SAE1: variants seen among roughly 807,000 people sequenced by gnomAD.
SAE1 encodes the protein SUMO-activating enzyme subunit 1.
A neutral mutation model predicts 40.6 loss-of-function variants in SAE1; 11 were observed. That is an observed-to-expected ratio of 0.27 (90% CI 0.17 to 0.45). The LOEUF (loss-of-function observed/expected upper bound fraction) is 0.45. Ranked by LOEUF, SAE1 falls within the 20% of genes least tolerant of loss-of-function variation. SAE1 has a pLI of 1.00. For missense variants in SAE1, 373 were observed against 427.3 expected (o/e 0.87, Z 1.12); for synonymous variants, 155 against 154.3 (o/e 1.00, Z -0.03).
chr19:47,154,935 C>T (rs2058311717), intron 4 of SAE1, among the ~76,000 whole-genome samples, 179 bp from the exon 5 acceptor site: 1 of 152,114 alleles, frequency 6.6e-6, no homozygotes, highest in Non-Finnish European at 1.5e-5. Flanking sequence ...TCCTGAGTGC[C>T]CAACAGTGTA....
At chr19:47,164,639 C>CTTTTTTTTTTTTTTTTT (rs1166301382) in intron 5 of SAE1, among the ~76,000 whole-genome samples, 3 of 78,388 alleles carry the variant, frequency 3.8e-5, no homozygotes, top group African/African-American at 1.6e-4. Context: ...GAGAATTCAC[C>CTTTTTTTTTTTTTTTTT]TTTTTTTTTT....
At chr19:47,191,679 T>A (rs189004138) in intron 6 of SAE1, among the ~76,000 whole-genome samples, 1 of 152,252 alleles carries the variant, frequency 6.6e-6, no homozygotes, top group Admixed American at 6.5e-5. Flanking sequence ...AAGCACCAAC[T>A]GTCACAAGGG....
At chr19:47,133,853 G>GTTTT in intron 1 of SAE1, among the ~76,000 whole-genome samples, 1 of 148,938 alleles carries the variant, frequency 6.7e-6, no homozygotes, top group African/African-American at 2.5e-5. Flanking sequence ...TTTCAGATTT[G>GTTTT]TTTTTTTTGT....
chr19:47,169,811 TC>T lies in SAE1; in HGVS notation c.628-5del. 1.2e-6 allele frequency: 2 copies of T among 1,605,378 alleles called. No individual in the cohort carries two copies. Among genetic ancestry groups the T allele is most frequent in the Non-Finnish European group, 1.7e-6 (2 of 1,172,212 alleles). The stretch of plus-strand genomic sequence containing the variant: ...TATTCCTAAGCAGTTCTGCCTTTTT[TC>T]CACAGAAGGTGGTCTTCTGCCCTGT... On this transcript the variant is annotated splice_region_variant and splice_polypyrimidine_tract_variant and intron_variant, in intron 5 of 8. Transcript: ENST00000270225.
intron 2 of SAE1, among the ~76,000 whole-genome samples, chr19:47,149,460 C>T (rs893485620): frequency 3.3e-5 from 5 of 152,104 alleles, no homozygotes; most frequent in African/African-American, 9.6e-5. Flanking sequence ...TGTGAGCCAC[C>T]GTGCCCTGCC....
chr19:47,134,927 A>G (rs1167691264), intron 1 of SAE1, among the ~76,000 whole-genome samples: 1 of 152,140 alleles, frequency 6.6e-6, no homozygotes, highest in African/African-American at 2.4e-5. Context: ...GGGTTGCAGG[A>G]GGGAGGGAAG....
chr19:47,179,880 TA>T (rs1295102972), intron 6 of SAE1, among the ~76,000 whole-genome samples: 1 of 152,122 alleles, frequency 6.6e-6, no homozygotes, highest in Non-Finnish European at 1.5e-5. Flanking sequence ...TTCACAGTGA[TA>T]GGGGTTAGCA....
At chr19:47,140,769 T>G (rs1432784378) in intron 1 of SAE1, among the ~76,000 whole-genome samples, 1 of 152,150 alleles carries the variant, frequency 6.6e-6, no homozygotes, top group African/African-American at 2.4e-5. Flanking sequence ...CCCTTCAATC[T>G]GGGTTCACAG....
At chr19:47,205,813 G>A (rs566035792) in intron 8 of SAE1, among the ~76,000 whole-genome samples, 1 of 152,314 alleles carries the variant, frequency 6.6e-6, no homozygotes, top group Admixed American at 6.5e-5. Context: ...ATAAAAGAGA[G>A]ACTAAGGTGC....
At chr19:47,163,905 G>A (rs2058373794) in intron 5 of SAE1, among the ~76,000 whole-genome samples, 1 of 151,686 alleles carries the variant, frequency 6.6e-6, no homozygotes, top group Non-Finnish European at 1.5e-5. Flanking sequence ...GAGTAGCTGG[G>A]ATTACAGGCT....
intron 6 of SAE1, among the ~76,000 whole-genome samples, chr19:47,170,429 C>T (rs2058423527): frequency 6.7e-6 from 1 of 149,938 alleles, no homozygotes. Context: ...TGCCCAGGCC[C>T]TGAAGTTCTG....
intron 7 of SAE1, among the ~76,000 whole-genome samples, chr19:47,200,668 T>C (rs1600216674): frequency 6.6e-6 from 1 of 152,130 alleles, no homozygotes; most frequent in African/African-American, 2.4e-5. Flanking sequence ...CAGCCACTTG[T>C]ATCTCTTTTA....
At chr19:47,147,962 G>A (rs1172416602) in intron 2 of SAE1, among the ~76,000 whole-genome samples, 4 of 151,732 alleles carry the variant, frequency 2.6e-5, no homozygotes, top group African/African-American at 4.8e-5. Flanking sequence ...GGGTTTCACC[G>A]TATTAGCCAG....
chr19:47,200,213 G>A (rs917933526), intron 7 of SAE1, among the ~76,000 whole-genome samples: 5 of 150,438 alleles, frequency 3.3e-5, no homozygotes, highest in Non-Finnish European at 7.4e-5. Flanking sequence ...GATTACAAGT[G>A]TGAGCCACCA....
At position 47,203,704 on chromosome 19, in the gene SAE1, G is replaced by C; in HGVS notation, c.912G>C (p.Ala304=). ...TCTCCGAGATGGCCCCAGTGTGTGCGGTGGTTGGAGGGATTTTGGCACAGG... is the reference window on the plus strand; with the variant it reads ...TCTCCGAGATGGCCCCAGTGTGTGCCGTGGTTGGAGGGATTTTGGCACAGG... The part of the protein sequence containing the change: ...YCFSEMAPVC[A]VVGGILAQEI... Residue 304 remains alanine, a synonymous_variant, in exon 8 of 9, where the codon GCG becomes GCC. Coordinates refer to ENST00000270225, the MANE Select transcript of SAE1 (RefSeq NM_005500.3). 2 of 1,614,044 alleles carry C rather than the reference G, an allele frequency of 1.2e-6. No individual in the cohort carries two copies. The highest frequency in any genetic ancestry group is 2.2e-5 in the South Asian group (2 of 91,062).
At chr19:47,197,696 G>C (rs188915591) in intron 7 of SAE1, among the ~76,000 whole-genome samples, 9 of 152,282 alleles carry the variant, frequency 5.9e-5, no homozygotes, top group Non-Finnish European at 5.9e-5. Flanking sequence ...CTCCAGATCA[G>C]TACATAGTTT....
chr19:47,171,294 A>G (rs12975381), intron 6 of SAE1, among the ~76,000 whole-genome samples: 5 of 148,536 alleles, frequency 3.4e-5, no homozygotes, highest in African/African-American at 5.0e-5. Flanking sequence ...TTTAATTTTT[A>G]TTTTAATTTT....
chr19:47,198,355 G>A (rs1403274791), intron 7 of SAE1, among the ~76,000 whole-genome samples: 2 of 152,064 alleles, frequency 1.3e-5, no homozygotes, highest in Admixed American at 1.3e-4. Flanking sequence ...CAGGTGATCC[G>A]CCTACCTTGG....
At chr19:47,203,278 A>G (rs2058665543) in intron 7 of SAE1, among the ~76,000 whole-genome samples, 2 of 152,074 alleles carry the variant, frequency 1.3e-5, no homozygotes, top group Non-Finnish European at 2.9e-5. Context: ...GCTCCCTGAC[A>G]TTTGTCTGGG....
Sources: gnomAD v4.1 joint callset for allele counts (sites outside exome capture counted in the v4.1 genomes callset) on GRCh38, gnomAD v4.1.1 for gene constraint, MANE v1.5 for transcripts, NCBI Gene and HGNC (gene_info 2026-07-23, HGNC 2026-07-21) for gene names.